CTNND2: variants seen among roughly 807,000 people sequenced by gnomAD.
CTNND2 encodes the protein catenin delta 2.
Under a neutral mutation model 144.4 loss-of-function variants are expected in CTNND2, and 22 were observed. The observed-to-expected ratio is 0.15, with a 90% CI of 0.11 to 0.22. The LOEUF (loss-of-function observed/expected upper bound fraction) is 0.22, where lower values mean the gene tolerates loss of function less well. CTNND2 is among the 10% of genes least tolerant of loss of function. CTNND2 has a pLI of 1.00. For synonymous variants in CTNND2, 751 were observed against 695.6 expected (o/e 1.08, Z -1.25); for missense variants, 1,353 against 1,618.8 (o/e 0.84, Z 2.82).
intron 9 of CTNND2, among the ~76,000 whole-genome samples, chr5:11,275,300 G>C (rs1746416332): frequency 6.6e-6 from 1 of 152,168 alleles, no homozygotes; most frequent in Non-Finnish European, 1.5e-5. Flanking sequence ...TTCAAACCCA[G>C]AGCATCTGGT....
At chr5:11,863,359 T>C (rs1015866748) in intron 1 of CTNND2, among the ~76,000 whole-genome samples, 2 of 152,138 alleles carry the variant, frequency 1.3e-5, no homozygotes, top group African/African-American at 4.8e-5. Flanking sequence ...TGGGAATAAA[T>C]CAAATTATGG....
chr5:11,530,390 A>T (rs1404422208), intron 3 of CTNND2, among the ~76,000 whole-genome samples: 1 of 152,154 alleles, frequency 6.6e-6, no homozygotes, highest in East Asian at 1.9e-4. Flanking sequence ...TACCCAGCAA[A>T]TGCAAAAGGT....
At position 11,818,892 on chromosome 5, in the gene CTNND2, GT is replaced by G. The variant is rs1793162070; in HGVS notation, c.37+84924del. Among the ~76,000 whole-genome samples, 3 of 152,278 alleles carry G rather than the reference GT, an allele frequency of 2.0e-5. No homozygotes were observed. The South Asian group carries it at 6.2e-4, about 32-fold the overall frequency. Reference sequence around the variant, plus strand: ...GCGGGTTTCCTCTCCTCAGCAAAGAGTTGTGGCTGTGGAGGTGATGAGTGGA... The same window carrying G: ...GCGGGTTTCCTCTCCTCAGCAAAGAGTGTGGCTGTGGAGGTGATGAGTGGA... On this transcript the variant is annotated intron_variant, in intron 1 of 21. Transcript: ENST00000304623.
chr5:11,662,251 G>A (rs11745577), intron 2 of CTNND2, among the ~76,000 whole-genome samples: 26,955 of 133,350 alleles, frequency 0.2, 4,652 homozygotes, highest in African/African-American at 0.51. Context: ...ATACATATAT[G>A]TGTGTATATA....
chr5:11,703,709 C>A (rs1785560561), intron 2 of CTNND2, among the ~76,000 whole-genome samples: 1 of 152,130 alleles, frequency 6.6e-6, no homozygotes, highest in Non-Finnish European at 1.5e-5. Context: ...AAACAGATGA[C>A]TTTCAGTCTT....
intron 2 of CTNND2, among the ~76,000 whole-genome samples, chr5:11,630,057 A>G (rs192897030): frequency 6.6e-6 from 1 of 152,040 alleles, no homozygotes; most frequent in South Asian, 2.1e-4. Flanking sequence ...TTATACGTGC[A>G]TTTTTGAAAA....
At chr5:11,350,708 A>G (rs1755241345) in intron 8 of CTNND2, among the ~76,000 whole-genome samples, 1 of 152,252 alleles carries the variant, frequency 6.6e-6, no homozygotes, top group African/African-American at 2.4e-5. Context: ...GTAAAATACC[A>G]GTACAAATGG....
At chr5:11,277,920 G>A (rs2521743) in intron 9 of CTNND2, among the ~76,000 whole-genome samples, 1 of 151,564 alleles carries the variant, frequency 6.6e-6, no homozygotes, top group Non-Finnish European at 1.5e-5. Context: ...CATAGCTCCG[G>A]TCTCTCTCTC....
chr5:11,440,164 T>C (rs1157927340), intron 3 of CTNND2, among the ~76,000 whole-genome samples: 1 of 152,188 alleles, frequency 6.6e-6, no homozygotes, highest in African/African-American at 2.4e-5. Context: ...GATGATAAAA[T>C]TTGTCCAACT....
At chr5:11,817,574 A>G (rs1287622621) in intron 1 of CTNND2, among the ~76,000 whole-genome samples, 1 of 151,500 alleles carries the variant, frequency 6.6e-6, no homozygotes, top group African/African-American at 2.4e-5. Flanking sequence ...TGAAGGGGGG[A>G]AGCGGAGGGG....
chr5:11,122,451 T>G (rs574652790), intron 12 of CTNND2, among the ~76,000 whole-genome samples: 1 of 152,034 alleles, frequency 6.6e-6, no homozygotes, highest in African/African-American at 2.4e-5. Flanking sequence ...TGTCTTCCTA[T>G]GTCTGTTTCC....
chr5:11,629,039 C>T (rs1781292819), intron 2 of CTNND2, among the ~76,000 whole-genome samples: 1 of 152,152 alleles, frequency 6.6e-6, no homozygotes, highest in Non-Finnish European at 1.5e-5. Flanking sequence ...ATTGGGAGTG[C>T]TATGAGGCTA....
chr5:11,022,678 C>T lies in CTNND2; in HGVS notation c.2999+91G>A, dbSNP rs917077995. 9 of 915,786 alleles carry T rather than the reference C, an allele frequency of 9.8e-6. No individual in the cohort carries two copies. In the South Asian group the frequency reaches 1.3e-4, roughly 13 times the overall value. The allele number at this position is 915,786 out of a possible 1,614,324, so 56.7% of individuals were successfully genotyped here. On this transcript the variant is annotated intron_variant, in intron 17 of 21. Transcript: ENST00000304623. ...CTCAGAGACAAATGCTTTCCAGTGACAGTCATAGTACTACCCGTCATCAGG... is the reference window on the plus strand; with the variant it reads ...CTCAGAGACAAATGCTTTCCAGTGATAGTCATAGTACTACCCGTCATCAGG...
chr5:11,764,781 T>G (rs1789484386), intron 1 of CTNND2, among the ~76,000 whole-genome samples: 1 of 152,212 alleles, frequency 6.6e-6, no homozygotes, highest in Admixed American at 6.5e-5. Flanking sequence ...GTGGGCCAGC[T>G]ACTGTGCTCA....
intron 9 of CTNND2, among the ~76,000 whole-genome samples, chr5:11,343,604 G>A (rs145353516): frequency 6.6e-6 from 1 of 152,216 alleles, no homozygotes; most frequent in Non-Finnish European, 1.5e-5. Flanking sequence ...ATGTGCTGCA[G>A]TATGGATTCA....
chr5:11,182,097 GTGGA>G (rs1217663204), intron 11 of CTNND2, among the ~76,000 whole-genome samples: 2 of 140,848 alleles, frequency 1.4e-5, no homozygotes, highest in Admixed American at 7.1e-5. Context: ...TGGGGTGTGT[GTGGA>G]TGGAGTGTGT....
chr5:11,780,116 T>G (rs189060618), intron 1 of CTNND2, among the ~76,000 whole-genome samples: 1 of 152,286 alleles, frequency 6.6e-6, no homozygotes, highest in East Asian at 1.9e-4. Context: ...GAGTATCTAC[T>G]GCAGACAGTA....
intron 12 of CTNND2, among the ~76,000 whole-genome samples, chr5:11,147,284 G>A (rs1231774008): frequency 6.6e-6 from 1 of 152,182 alleles, no homozygotes. Context: ...CAAGGCCATA[G>A]AGAAGGCCGA....
chr5:11,481,726 A>T (rs914076517), intron 3 of CTNND2, among the ~76,000 whole-genome samples: 12 of 152,212 alleles, frequency 7.9e-5, no homozygotes. Context: ...TGCCTCACAC[A>T]CAAAGGAAGG....
Sources: allele counts gnomAD v4.1 joint callset (sites outside exome capture counted in the v4.1 genomes callset), GRCh38; gene constraint gnomAD v4.1.1; transcripts MANE v1.5; gene names NCBI Gene and HGNC (gene_info 2026-07-23, HGNC 2026-07-21).